Variants in FHIT observed in about 807,000 individuals in gnomAD.
FHIT encodes fragile histidine triad diadenosine triphosphatase, also known as bis(5'-adenosyl)-triphosphatase.
A neutral mutation model predicts 17.9 loss-of-function variants in FHIT; 19 were observed. The observed-to-expected ratio is 1.06, with a 90% CI of 0.74 to 1.56. FHIT has a LOEUF of 1.56. Among genes scored for constraint, FHIT ranks in the 40% most tolerant of loss-of-function variants. The probability of loss-of-function intolerance (pLI) is 0.00; values close to 1 mark genes in which losing one functional copy is unlikely to be tolerated. For synonymous variants in FHIT, 81 were observed against 69.7 expected, an observed-to-expected ratio of 1.16 and a Z score of -0.81; for missense variants, 248 against 189.2, an observed-to-expected ratio of 1.31 and a Z score of -1.82.
chr3:60,900,132 A>C (rs1314904314), intron 3 of FHIT, among the ~76,000 whole-genome samples: 1 of 152,226 alleles, frequency 6.6e-6, no homozygotes, highest in South Asian at 2.1e-4. Flanking sequence ...AAGGCTCACT[A>C]TCATGACTTG....
At chr3:61,244,327 G>T (rs988082789) in intron 1 of FHIT, among the ~76,000 whole-genome samples, 1 of 152,144 alleles carries the variant, frequency 6.6e-6, no homozygotes, top group African/African-American at 2.4e-5. Context: ...ATTACATAAT[G>T]AAGGAATAAA....
chr3:60,278,717 TAAC>T (rs1707289440), intron 5 of FHIT, among the ~76,000 whole-genome samples: 2 of 118,618 alleles, frequency 1.7e-5, no homozygotes, highest in East Asian at 4.2e-4. Context: ...TAAAACCTCA[TAAC>T]AAAAAAAAAA....
chr3:60,476,019 G>A (rs761377938), intron 5 of FHIT, among the ~76,000 whole-genome samples: 2 of 152,156 alleles, frequency 1.3e-5, no homozygotes, highest in Non-Finnish European at 2.9e-5. Flanking sequence ...AAATAGTAGA[G>A]CTGTCATCAT....
intron 5 of FHIT, among the ~76,000 whole-genome samples, chr3:60,297,032 A>T (rs1367221668): frequency 2.0e-5 from 3 of 151,908 alleles, no homozygotes; most frequent in African/African-American, 7.3e-5. Flanking sequence ...ACACATGGTC[A>T]TATAAATATT....
intron 3 of FHIT, among the ~76,000 whole-genome samples, chr3:60,932,123 T>G (rs1391187498): frequency 6.6e-6 from 1 of 152,220 alleles, no homozygotes; most frequent in Admixed American, 6.5e-5. Flanking sequence ...TATGGTCCAC[T>G]GATAAGCCTC....
At chr3:61,021,025 T>A (rs956605133) in intron 3 of FHIT, among the ~76,000 whole-genome samples, 2 of 152,094 alleles carry the variant, frequency 1.3e-5, no homozygotes, top group African/African-American at 4.8e-5. Flanking sequence ...GAATCCAGAT[T>A]CATATAGCAA....
chr3:60,775,734 T>G (rs1250204082), intron 4 of FHIT, among the ~76,000 whole-genome samples: 1 of 152,184 alleles, frequency 6.6e-6, no homozygotes, highest in Non-Finnish European at 1.5e-5. Flanking sequence ...TTCCTTCCTT[T>G]TTTGGGATGG....
At chr3:59,775,016 G>A (rs985323289) in intron 8 of FHIT, among the ~76,000 whole-genome samples, 2 of 152,276 alleles carry the variant, frequency 1.3e-5, no homozygotes, top group East Asian at 1.9e-4. Context: ...TAACAAGATC[G>A]CCAAGAAATT....
At chr3:60,420,744 A>G (rs1264618682) in intron 5 of FHIT, among the ~76,000 whole-genome samples, 2 of 152,100 alleles carry the variant, frequency 1.3e-5, no homozygotes, top group Admixed American at 1.3e-4. Context: ...TGGTATTTAA[A>G]TGGTTTAAGT....
At chr3:60,410,068 T>A (rs1490615462) in intron 5 of FHIT, among the ~76,000 whole-genome samples, 1 of 152,174 alleles carries the variant, frequency 6.6e-6, no homozygotes, top group Non-Finnish European at 1.5e-5. Flanking sequence ...AAATACAGGA[T>A]AATTCAGAAT....
chr3:60,995,627 T>G (rs1289891932), intron 3 of FHIT, among the ~76,000 whole-genome samples: 1 of 152,146 alleles, frequency 6.6e-6, no homozygotes, highest in African/African-American at 2.4e-5. Flanking sequence ...CACAAGGACT[T>G]TTTACAGGAG....
chr3:60,175,326 T>C (rs1349647789), intron 5 of FHIT, among the ~76,000 whole-genome samples: 3 of 152,028 alleles, frequency 2.0e-5, no homozygotes, highest in Non-Finnish European at 2.9e-5. Context: ...CAGAGGAAAA[T>C]GTGGAATGCT....
intron 5 of FHIT, among the ~76,000 whole-genome samples, chr3:60,101,919 C>G (rs1402644832): frequency 6.6e-6 from 1 of 152,200 alleles, no homozygotes; most frequent in South Asian, 2.1e-4. Context: ...TGTTGCCTCT[C>G]GCTAGGATGT....
Position 61,158,687 on chromosome 3 carries a change from T to C in FHIT, c.-164+41930A>G, listed in dbSNP as rs905585971. On this transcript the variant is annotated intron_variant, in intron 2 of 9. Transcript: ENST00000492590. ...TCAGTGACATTTGATTTTGAGGACATTTTTACAAAATAACAACACCAGGTC... is the reference window on the plus strand; with the variant it reads ...TCAGTGACATTTGATTTTGAGGACACTTTTACAAAATAACAACACCAGGTC... 1.6e-4 allele frequency among the ~76,000 whole-genome samples: 25 copies of C among 152,300 alleles called. No individual in the cohort carries two copies. In the South Asian group the frequency reaches 1.9e-3, roughly 11 times the overall value.
intron 4 of FHIT, among the ~76,000 whole-genome samples, chr3:60,681,338 G>C (rs1553696826): frequency 6.6e-6 from 1 of 152,138 alleles, no homozygotes; most frequent in Non-Finnish European, 1.5e-5. Context: ...ATGTTTGTGT[G>C]TTCTGACTGC....
Position 60,622,805 on chromosome 3 carries a change from A to C in FHIT, c.-17-85826T>G, listed in dbSNP as rs147449598. 1.4e-3 allele frequency among the ~76,000 whole-genome samples: 215 copies of C among 152,342 alleles called. 1 individual carries two copies. Among genetic ancestry groups the C allele is most frequent in the African/African-American group, 4.6e-3 (192 of 41,584 alleles). On this transcript the variant is annotated intron_variant, in intron 4 of 9. Coordinates refer to ENST00000492590, the MANE Select transcript of FHIT (RefSeq NM_002012.4). ...GAATTTGTGCATCAAGGTTTGAAAC[A>C]ATACATTATTCCAAGACCTTGTCCT...
chr3:60,648,828 C>A (rs2039924885), intron 4 of FHIT, among the ~76,000 whole-genome samples: 1 of 152,174 alleles, frequency 6.6e-6, no homozygotes, highest in Admixed American at 6.5e-5. Flanking sequence ...ACTCCCTTCT[C>A]AGGTGCAGTT....
intron 5 of FHIT, among the ~76,000 whole-genome samples, chr3:60,362,157 AG>A (rs952014874): frequency 2.0e-5 from 3 of 152,198 alleles, no homozygotes; most frequent in African/African-American, 7.2e-5. Context: ...ATGGTTACTA[AG>A]TGAACCAAAT....
At chr3:60,245,484 A>T (rs1304434796) in intron 5 of FHIT, among the ~76,000 whole-genome samples, 3 of 152,078 alleles carry the variant, frequency 2.0e-5, no homozygotes, top group Admixed American at 1.3e-4. Context: ...AATGGCCAAT[A>T]AGCTCATAAA....
Sources: allele counts gnomAD v4.1 joint callset (sites outside exome capture counted in the v4.1 genomes callset), GRCh38; gene constraint gnomAD v4.1.1; transcripts MANE v1.5; gene names NCBI Gene and HGNC (gene_info 2026-07-23, HGNC 2026-07-21).